SLC44A5: variants seen among roughly 807,000 people sequenced by gnomAD.
SLC44A5 encodes the protein choline transporter-like protein 5.
Under a neutral mutation model 101.8 loss-of-function variants are expected in SLC44A5, and 57 were observed. The observed-to-expected ratio is 0.56, with a 90% CI of 0.45 to 0.70. The LOEUF is 0.70. Ranked by LOEUF, SLC44A5 falls within the 30% of genes least tolerant of loss-of-function variation. The probability of loss-of-function intolerance (pLI) is 0.00; values close to 1 mark genes in which losing one functional copy is unlikely to be tolerated. For synonymous variants in SLC44A5, 281 were observed against 290.9 expected, an observed-to-expected ratio of 0.97 and a Z score of 0.35; for missense variants, 737 against 853.1, an observed-to-expected ratio of 0.86 and a Z score of 1.70.
At chr1:75,543,936 T>C (rs910598930) in intron 1 of SLC44A5, among the ~76,000 whole-genome samples, 10 of 152,048 alleles carry the variant, frequency 6.6e-5, no homozygotes, top group Admixed American at 5.3e-4. Flanking sequence ...AAAGATAACA[T>C]CTTTGCTCAG....
In SLC44A5 at chr1:75,373,849, C is replaced by T. The variant is rs1212223305; in HGVS notation, c.52+22734G>A. On this transcript the variant is annotated intron_variant, in intron 3 of 23. Transcript: ENST00000370859. ...GGGTTCAGAGGACAAAACTACTGGC[C>T]GAGTCCCTACCCCCCAGGATTCAAG... Among the ~76,000 whole-genome samples, 12 of 152,208 alleles carry T rather than the reference C, an allele frequency of 7.9e-5. 1 individual carries two copies. Among genetic ancestry groups the T allele is most frequent in the Admixed American group, 3.3e-4 (5 of 15,290 alleles).
At chr1:75,210,857 G>T (rs1043754897) in intron 23 of SLC44A5, among the ~76,000 whole-genome samples, 4 of 152,072 alleles carry the variant, frequency 2.6e-5, no homozygotes, top group African/African-American at 9.7e-5. Flanking sequence ...TCTAAGCCTT[G>T]TTGAGGTATA....
At chr1:75,601,614 A>T (rs943149863) in intron 1 of SLC44A5, among the ~76,000 whole-genome samples, 1 of 152,208 alleles carries the variant, frequency 6.6e-6, no homozygotes, top group Non-Finnish European at 1.5e-5. Context: ...ACAGGTAAGC[A>T]CAAATCAGCA....
At chr1:75,705,210 C>T in the SLC44A5 span, among the ~76,000 whole-genome samples, 68 of 152,288 alleles carry the variant, frequency 4.5e-4, no homozygotes, top group Non-Finnish European at 8.8e-4. Context: ...ACATTGCTAA[C>T]TTTAGTTTGC....
At chr1:75,447,110 A>C (rs891951116) in intron 2 of SLC44A5, among the ~76,000 whole-genome samples, 3 of 152,188 alleles carry the variant, frequency 2.0e-5, no homozygotes, top group African/African-American at 4.8e-5. Flanking sequence ...AAACCTACGA[A>C]AGCTTTTGTT....
At chr1:75,285,297 AG>A (rs1244704135) in intron 5 of SLC44A5, among the ~76,000 whole-genome samples, 9 of 152,208 alleles carry the variant, frequency 5.9e-5, no homozygotes, top group Middle Eastern at 3.4e-3. Flanking sequence ...TGTTCATCGT[AG>A]CCTTAAATAA....
chr1:75,708,346 G>A, the SLC44A5 span, among the ~76,000 whole-genome samples: 3 of 148,610 alleles, frequency 2.0e-5, no homozygotes, highest in Non-Finnish European at 4.4e-5. Flanking sequence ...CCCATGAGGT[G>A]GAGGTTTCAG....
chr1:75,254,100 G>A (rs569544873), intron 6 of SLC44A5, among the ~76,000 whole-genome samples: 12 of 151,586 alleles, frequency 7.9e-5, no homozygotes, highest in Non-Finnish European at 1.2e-4. Flanking sequence ...GTGCAGTGGC[G>A]CAATCTCTGC....
chr1:75,254,231 G>T (rs1649825852), intron 6 of SLC44A5, among the ~76,000 whole-genome samples: 1 of 151,992 alleles, frequency 6.6e-6, no homozygotes, highest in South Asian at 2.1e-4. Context: ...TGGAGACGTG[G>T]TTTCGGCATG....
Position 75,202,317 on chromosome 1 carries a change from A to G in SLC44A5, c.*1410T>C, listed in dbSNP as rs1646678598. The G allele has an allele frequency of 6.6e-6, 1 of 152,206 alleles. No individual in the cohort carries two copies. The highest frequency in any genetic ancestry group is 1.5e-5 in the Non-Finnish European group (1 of 68,016). 9.4% of individuals were successfully genotyped at this position (152,206 alleles called of 1,614,324 possible). A position where few individuals can be genotyped will look rare whatever the true frequency, so the allele number is the denominator to read the frequency against. ...GTGCTCATGTGAGTTTATTTTTGGC[A>G]TAAAAGTATCTAAAGTCACATTTAA... On this transcript the variant is annotated 3_prime_UTR_variant, in exon 24 of 24. Coordinates refer to ENST00000370859, the MANE Select transcript of SLC44A5 (RefSeq NM_001130058.2).
At chr1:75,280,442 A>T (rs1271440) in intron 5 of SLC44A5, among the ~76,000 whole-genome samples, 15,634 of 23,752 alleles carry the variant, frequency 0.66, 5,667 homozygotes, top group East Asian at 0.96. Flanking sequence ...TATTATATAT[A>T]GTATATATTA....
chr1:75,555,722 C>T (rs1408115037), intron 1 of SLC44A5, among the ~76,000 whole-genome samples: 1 of 151,966 alleles, frequency 6.6e-6, no homozygotes, highest in Non-Finnish European at 1.5e-5. Context: ...ATGAAAACAA[C>T]TTTGTTTACT....
intron 1 of SLC44A5, among the ~76,000 whole-genome samples, chr1:75,549,904 G>A (rs1671846347): frequency 6.6e-6 from 1 of 152,010 alleles, no homozygotes; most frequent in Admixed American, 6.6e-5. Context: ...CAGTATGGCT[G>A]GAATATATTG....
chr1:75,426,799 A>G (rs1460608554), intron 2 of SLC44A5, among the ~76,000 whole-genome samples: 7 of 152,256 alleles, frequency 4.6e-5, no homozygotes, highest in Non-Finnish European at 8.8e-5. Flanking sequence ...TCCAGGGCAC[A>G]AAGAAGCAGG....
chr1:75,226,091 G>A (rs1326875699), intron 13 of SLC44A5, among the ~76,000 whole-genome samples: 1 of 152,144 alleles, frequency 6.6e-6, no homozygotes, highest in Admixed American at 6.5e-5. Context: ...CCCTGATCCT[G>A]ATGAGGACGG....
At chr1:75,225,105 C>T (rs1647170116) in intron 13 of SLC44A5, among the ~76,000 whole-genome samples, 1 of 152,204 alleles carries the variant, frequency 6.6e-6, no homozygotes, top group African/African-American at 2.4e-5. Context: ...GTCCTGCAAG[C>T]TCCATTCATG....
At chr1:75,249,114 T>C (rs1380278961) in intron 7 of SLC44A5, among the ~76,000 whole-genome samples, 2 of 152,088 alleles carry the variant, frequency 1.3e-5, no homozygotes, top group Non-Finnish European at 2.9e-5. Context: ...CTTGGGGACG[T>C]GGGTAGAAGT....
intron 3 of SLC44A5, among the ~76,000 whole-genome samples, chr1:75,385,944 C>G (rs1459760176): frequency 3.3e-5 from 5 of 152,024 alleles, no homozygotes; most frequent in Non-Finnish European, 7.4e-5. Flanking sequence ...ATAAACAGAA[C>G]CAAAGACAAA....
intron 4 of SLC44A5, among the ~76,000 whole-genome samples, chr1:75,317,625 C>T (rs1329773901): frequency 6.6e-6 from 1 of 152,088 alleles, no homozygotes; most frequent in Non-Finnish European, 1.5e-5. Context: ...TAACAAAATA[C>T]CATAGGCTAG....
Sources: gnomAD v4.1 joint callset for allele counts (sites outside exome capture counted in the v4.1 genomes callset) on GRCh38, gnomAD v4.1.1 for gene constraint, MANE v1.5 for transcripts, NCBI Gene and HGNC (gene_info 2026-07-23, HGNC 2026-07-21) for gene names.